The following ELMO1 variants were observed in gnomAD, a reference collection of about 807,000 sequenced individuals.
ELMO1 encodes engulfment and cell motility 1.
A neutral mutation model predicts 98.9 loss-of-function variants in ELMO1; 26 were observed. The ratio of observed to expected loss-of-function variants is 0.26; its 90% confidence interval spans 0.19 to 0.36. ELMO1 has a LOEUF of 0.36. Among genes scored for constraint, ELMO1 ranks in the 10% least tolerant of loss-of-function variants. The pLI, the probability that ELMO1 is intolerant of heterozygous loss-of-function variation, is 1.00. For synonymous variants in ELMO1, 346 were observed against 346.0 expected (o/e 1.00, Z 0.00); for missense variants, 627 against 935.2 (o/e 0.67, Z 4.30).
intron 1 of ELMO1, among the ~76,000 whole-genome samples, chr7:37,347,978 A>G (rs891328692): frequency 2.6e-5 from 4 of 152,202 alleles, no homozygotes; most frequent in Non-Finnish European, 5.9e-5. Context: ...TTCCCCCAGC[A>G]TAACTCTGGG....
At position 37,433,096 on chromosome 7, in the gene ELMO1, G is replaced by A. The variant is rs117317355; in HGVS notation, c.-74+15579C>T. ...CCAACACCCAGAGGCTCCTCAACAA[G>A]TGACCTTGGGTCTTCAGCAAAATTG... On this transcript the variant is annotated intron_variant, in intron 1 of 21. Transcript: ENST00000310758. 3.3e-3 allele frequency among the ~76,000 whole-genome samples: 502 copies of A among 152,280 alleles called. 6 individuals carry two copies. In the East Asian group the frequency reaches 0.041, roughly 12 times the overall value.
rs1043384703 is a variant in ELMO1 at position 37,316,083 on chromosome 7, T to C, written c.79-123A>G. ...AGAATTTACATTTGCTATTCTTAGTTGTTGTCAATGAGTCTCTTATTTTTC... is the reference window on the plus strand; with the variant it reads ...AGAATTTACATTTGCTATTCTTAGTCGTTGTCAATGAGTCTCTTATTTTTC... On this transcript the variant is annotated intron_variant, in intron 2 of 21. Coordinates refer to ENST00000310758, the MANE Select transcript of ELMO1 (RefSeq NM_014800.11). 6.5e-6 allele frequency: 5 copies of C among 769,502 alleles called. No individual in the cohort carries two copies. The African/African-American group carries it at 8.8e-5, about 13-fold the overall frequency. 47.7% of individuals were successfully genotyped at this position (769,502 alleles called of 1,614,324 possible).
intron 1 of ELMO1, among the ~76,000 whole-genome samples, chr7:37,371,260 A>G (rs1220930432): frequency 6.6e-6 from 1 of 152,238 alleles, no homozygotes; most frequent in East Asian, 1.9e-4. Flanking sequence ...TAAAATATTC[A>G]GAGCAATCTT....
intron 13 of ELMO1, among the ~76,000 whole-genome samples, chr7:37,154,051 C>T (rs1022198414): frequency 3.9e-5 from 6 of 152,188 alleles, no homozygotes; most frequent in Non-Finnish European, 5.9e-5. Flanking sequence ...CAAACCGCAA[C>T]AGACCTGAAG....
intron 15 of ELMO1, among the ~76,000 whole-genome samples, chr7:37,062,156 T>A (rs1796698801): frequency 6.6e-6 from 1 of 152,218 alleles, no homozygotes. Flanking sequence ...AGGCTAAAGA[T>A]TATGTGGCCT....
intron 13 of ELMO1, among the ~76,000 whole-genome samples, chr7:37,145,583 A>C (rs1259027940): frequency 6.6e-6 from 1 of 152,264 alleles, no homozygotes; most frequent in African/African-American, 2.4e-5. Flanking sequence ...GGAAAACAGT[A>C]CTGGCACTAG....
intron 5 of ELMO1, among the ~76,000 whole-genome samples, chr7:37,265,290 A>G (rs1796180231): frequency 6.6e-6 from 1 of 152,044 alleles, no homozygotes; most frequent in African/African-American, 2.4e-5. Context: ...TGGCCTTCTC[A>G]AGTATTTTAC....
intron 13 of ELMO1, among the ~76,000 whole-genome samples, chr7:37,154,500 C>T (rs1448181934): frequency 2.0e-5 from 3 of 152,240 alleles, no homozygotes; most frequent in East Asian, 3.9e-4. Flanking sequence ...AACCACAGTA[C>T]GAGAACTGCG....
chr7:37,063,968 T>C (rs911475445), intron 15 of ELMO1, among the ~76,000 whole-genome samples: 3 of 152,134 alleles, frequency 2.0e-5, no homozygotes, highest in African/African-American at 7.2e-5. Flanking sequence ...TTCTGCCAAA[T>C]TGCCTAAATT....
chr7:36,953,370 T>G (rs1287028111), intron 16 of ELMO1, among the ~76,000 whole-genome samples: 1 of 152,224 alleles, frequency 6.6e-6, no homozygotes, highest in Non-Finnish European at 1.5e-5. Context: ...AGCTGAAGTC[T>G]AAAAGCCCCA....
intron 10 of ELMO1, among the ~76,000 whole-genome samples, chr7:37,220,171 C>A (rs1256386605): frequency 6.6e-6 from 1 of 152,146 alleles, no homozygotes; most frequent in African/African-American, 2.4e-5. Flanking sequence ...AATCTGAAAT[C>A]CCTTTTTAGA....
chr7:36,993,942 T>C (rs1412986696), intron 16 of ELMO1, among the ~76,000 whole-genome samples: 1 of 152,232 alleles, frequency 6.6e-6, no homozygotes, highest in African/African-American at 2.4e-5. Context: ...TGCTCTTGCT[T>C]ATGTTTTGTG....
chr7:37,123,612 C>A (rs1275423318), intron 14 of ELMO1, among the ~76,000 whole-genome samples: 2 of 152,092 alleles, frequency 1.3e-5, no homozygotes, highest in East Asian at 1.9e-4. Context: ...CTGAATAGAC[C>A]AATAACAGGC....
At chr7:37,367,661 C>T (rs1801958028) in intron 1 of ELMO1, among the ~76,000 whole-genome samples, 2 of 152,200 alleles carry the variant, frequency 1.3e-5, no homozygotes, top group South Asian at 2.1e-4. Flanking sequence ...GAATATCACC[C>T]GTGTGTGGTA....
chr7:37,132,675 T>G (rs1452115179), intron 14 of ELMO1, among the ~76,000 whole-genome samples: 1 of 152,212 alleles, frequency 6.6e-6, no homozygotes, highest in African/African-American at 2.4e-5. Context: ...GTGACTAGAA[T>G]TTGACGAGTC....
chr7:37,441,911 A>G (rs1192868816), intron 1 of ELMO1, among the ~76,000 whole-genome samples: 1 of 152,232 alleles, frequency 6.6e-6, no homozygotes, highest in African/African-American at 2.4e-5. Flanking sequence ...TTATTAATAC[A>G]CCACCTTAGA....
chr7:37,025,258 G>A (rs1794501793), intron 15 of ELMO1, among the ~76,000 whole-genome samples: 1 of 152,158 alleles, frequency 6.6e-6, no homozygotes, highest in Admixed American at 6.5e-5. Context: ...TTTTGGAGAG[G>A]AGTATCAAGT....
intron 13 of ELMO1, among the ~76,000 whole-genome samples, chr7:37,198,978 T>C (rs1792126111): frequency 6.6e-6 from 1 of 152,226 alleles, no homozygotes; most frequent in Non-Finnish European, 1.5e-5. Flanking sequence ...ACATCAGAGC[T>C]GCTCTTTATT....
At chr7:37,433,253 T>C (rs1050205740) in intron 1 of ELMO1, among the ~76,000 whole-genome samples, 17 of 152,246 alleles carry the variant, frequency 1.1e-4, no homozygotes, top group African/African-American at 3.9e-4. Context: ...ATAGTGCTTC[T>C]GTCTGCAGAC....
Sources: gnomAD v4.1 joint callset for allele counts (sites outside exome capture counted in the v4.1 genomes callset) on GRCh38, gnomAD v4.1.1 for gene constraint, MANE v1.5 for transcripts, NCBI Gene and HGNC (gene_info 2026-07-23, HGNC 2026-07-21) for gene names.